Variants in ZNF608 observed in about 807,000 individuals in gnomAD.
ZNF608 encodes the protein renal carcinoma antigen NY-REN-36.
ZNF608 carries 12 observed loss-of-function variants against 109.0 expected under a neutral mutation model. The ratio of observed to expected loss-of-function variants is 0.11; its 90% CI spans 0.07 to 0.18. ZNF608 has a LOEUF of 0.18. ZNF608 is among the 10% of genes least tolerant of loss of function. The pLI, the probability that ZNF608 is intolerant of heterozygous loss-of-function variation, is 1.00. For synonymous variants in ZNF608, 732 were observed against 717.4 expected (o/e 1.02, Z -0.33); for missense variants, 1,707 against 1,879.3 (o/e 0.91, Z 1.70).
rs772561187 is a variant in ZNF608 at position 124,647,983 on chromosome 5, C to T, written c.2401G>A (p.Val801Met). 33 of 1,614,092 alleles carry T rather than the reference C, an allele frequency of 2.0e-5. No individual in the cohort carries two copies. The highest frequency in any genetic ancestry group is 1.6e-4 in the Middle Eastern group (1 of 6,084). Residue 801 changes from valine (V) to methionine (M), a missense_variant, in exon 5 of 10, where the codon GTG (valine) becomes ATG (methionine). This residue lies in a region of ZNF608 where 1,073 missense variants were observed against 1,133.5 expected (regional missense o/e 0.95). Transcript: ENST00000513986. ...TTGAGTGACACCAGAGCTGGGTTCACGGTGATGGGCTCTCCCATAATTGTG... is the reference window on the plus strand; with the variant it reads ...TTGAGTGACACCAGAGCTGGGTTCATGGTGATGGGCTCTCCCATAATTGTG... The part of the protein sequence containing the change: ...KPTIMGEPIT[V>M]NPALVSLKDK...
At chr5:124,706,135 T>TTAA (rs1376022466) in intron 2 of ZNF608, among the ~76,000 whole-genome samples, 2 of 152,172 alleles carry the variant, frequency 1.3e-5, no homozygotes, top group African/African-American at 4.8e-5. Flanking sequence ...AAGTAGCGTG[T>TTAA]TAATGGAAGA....
chr5:124,731,022 C>T (rs1748869061), intron 2 of ZNF608, among the ~76,000 whole-genome samples: 1 of 152,158 alleles, frequency 6.6e-6, no homozygotes. Flanking sequence ...TAAGAGAAGC[C>T]ATGTTTATCT....
chr5:124,697,748 C>A (rs970434552), intron 3 of ZNF608, among the ~76,000 whole-genome samples: 1 of 152,130 alleles, frequency 6.6e-6, no homozygotes, highest in Admixed American at 6.5e-5. Context: ...ACTCCAAACA[C>A]AAGAAACAAT....
In ZNF608 at chr5:124,746,414, A is replaced by T. The variant is rs1749641947; in HGVS notation, c.-403T>A. The T allele has an allele frequency of 2.0e-6, 2 of 985,366 alleles. No homozygotes were observed. Among genetic ancestry groups the T allele is most frequent in the African/African-American group, 3.5e-5 (2 of 57,246 alleles). The allele number at this position is 985,366 out of a possible 1,614,324, so 61.0% of individuals were successfully genotyped here. A position where few individuals can be genotyped will look rare whatever the true frequency, so the allele number is the denominator to read the frequency against. ...AATCAGTCCTTTTCTCCTTAAAAAA[A>T]ATGTGTCACTGTACAGCTGGAAAAT... On this transcript the variant is annotated 5_prime_UTR_variant, in exon 1 of 10. Coordinates refer to ENST00000513986, the MANE Select transcript of ZNF608 (RefSeq NM_020747.3).
chr5:124,739,937 T>TGC (rs931113827), intron 2 of ZNF608, among the ~76,000 whole-genome samples: 2 of 152,180 alleles, frequency 1.3e-5, no homozygotes, highest in African/African-American at 4.8e-5. Flanking sequence ...AACTATAAAA[T>TGC]GCTGCTTAGG....
intron 3 of ZNF608, among the ~76,000 whole-genome samples, chr5:124,675,483 G>A (rs916059329): frequency 2.6e-5 from 4 of 152,288 alleles, no homozygotes; most frequent in Admixed American, 2.0e-4. Context: ...ATGGCCAGTG[G>A]CAGTTTAGGT....
chr5:124,649,629 G>A lies in ZNF608; in HGVS notation c.1231C>T (p.His411Tyr), dbSNP rs1237284422. The change falls in exon 4 of 10, where the codon CAC becomes TAC. Residue 411 changes from histidine (H) to tyrosine (Y), a missense_variant. Physicochemically the swap from His to Tyr is moderately conservative, Grantham distance 83. Transcript: ENST00000513986. ...TCATACCTGGGAGGGGCCCAGTCGTGCTTGGTGCAGTCCAGTAGGGTTCCC... is the reference window on the plus strand; with the variant it reads ...TCATACCTGGGAGGGGCCCAGTCGTACTTGGTGCAGTCCAGTAGGGTTCCC... ...YVGTLLDCTK[H>Y]DWAPPRFCES... The A allele has an allele frequency of 6.2e-7, 1 of 1,612,046 alleles. No homozygotes were observed. The highest frequency in any genetic ancestry group is 1.3e-5 in the African/African-American group (1 of 74,844).
intron 3 of ZNF608, among the ~76,000 whole-genome samples, chr5:124,667,942 G>A (rs1751547736): frequency 6.6e-6 from 1 of 151,928 alleles, no homozygotes. Flanking sequence ...TCAACTCAAG[G>A]GCTTTGCCCC....
chr5:124,748,115 C>T (rs1749705171), upstream of ZNF608, among the ~76,000 whole-genome samples: 1 of 152,098 alleles, frequency 6.6e-6, no homozygotes. Flanking sequence ...TTATCGGGCA[C>T]TGGGATCTGA....
At position 124,646,659 on chromosome 5, in the gene ZNF608, G is replaced by A; in HGVS notation, c.3705+20C>T. 6.3e-7 allele frequency: 1 copy of A among 1,598,976 alleles called. No individual in the cohort carries two copies. Among genetic ancestry groups the A allele is most frequent in the Non-Finnish European group, 8.5e-7 (1 of 1,169,918 alleles). On this transcript the variant is annotated intron_variant, in intron 5 of 9. Transcript: ENST00000513986. ...CTCAGACTGCTCTCTCCCTGTTGGGGCCACGCTCCACAATCTTACTTGTTT... is the reference window on the plus strand; with the variant it reads ...CTCAGACTGCTCTCTCCCTGTTGGGACCACGCTCCACAATCTTACTTGTTT...
chr5:124,667,736 C>G (rs1176276133), intron 3 of ZNF608, among the ~76,000 whole-genome samples: 1 of 152,166 alleles, frequency 6.6e-6, no homozygotes, highest in African/African-American at 2.4e-5. Context: ...TCCTCCTAAC[C>G]ACCCAAACAA....
rs370244797 is a variant in ZNF608, at chr5:124,706,916, AG to A, written c.907-5648del. Among the ~76,000 whole-genome samples, 624 of 152,064 alleles carry A rather than the reference AG, an allele frequency of 4.1e-3. 4 individuals carry two copies. The highest frequency in any genetic ancestry group is 0.014 in the African/African-American group (587 of 41,486). On this transcript the variant is annotated intron_variant, in intron 2 of 9. Transcript: ENST00000513986. ...ACGCGAGAGAGCCTAAGAGCATGGG[AG>A]GGGGAGCAGGGAGGCTGAAGGGAGG...
chr5:124,693,974 C>CTTTTTTTTCTTTTTTTT lies in ZNF608; in HGVS notation c.1162+7039_1162+7040insAAAAAAAAGAAAAAAAA, dbSNP rs1752724424. Among the ~76,000 whole-genome samples the CTTTTTTTTCTTTTTTTT allele has an allele frequency of 9.8e-5, 6 of 60,934 alleles. 2 individuals carry two copies. Among genetic ancestry groups the CTTTTTTTTCTTTTTTTT allele is most frequent in the Non-Finnish European group, 1.4e-4 (5 of 36,834 alleles). The allele number at this position is 60,934 out of a possible 152,430, so 40.0% of individuals were successfully genotyped here. A position where few individuals can be genotyped will look rare whatever the true frequency, so the allele number is the denominator to read the frequency against. ...GTGAAGCTGGTAACATTTCATTAAT[C>CTTTTTTTTCTTTTTTTT]TTTTTTTTTTTTTTTTTTTGAGAGA... On this transcript the variant is annotated intron_variant, in intron 3 of 9. Coordinates refer to ENST00000513986, the MANE Select transcript of ZNF608 (RefSeq NM_020747.3).
In ZNF608 at chr5:124,641,317, G is replaced by T; in HGVS notation, c.4385C>A (p.Thr1462Lys). 16 of 1,614,012 alleles carry T rather than the reference G, an allele frequency of 9.9e-6. No individual in the cohort carries two copies. The highest frequency in any genetic ancestry group is 1.3e-5 in the Non-Finnish European group (15 of 1,180,038). Residue 1462 changes from threonine (T) to lysine (K), a missense_variant, in exon 8 of 10, where the codon ACG (threonine) becomes AAG (lysine). Around this residue, in one of 7 missense-constraint regions of ZNF608, gnomAD observed 1,073 missense variants for 1,133.5 expected, o/e 0.95. Transcript: ENST00000513986. The stretch of plus-strand genomic sequence containing the variant: ...CATGCCAACGTGGGTGTGGTGGTGC[G>T]TGTGCAGGTGCCGCTGGCCGAAGGG... Reference protein sequence around the residue: ...HSPFGQRHLHTHHHTHVGMGY... With the variant: ...HSPFGQRHLHKHHHTHVGMGY...
intron 3 of ZNF608, among the ~76,000 whole-genome samples, chr5:124,655,223 TA>T (rs992091130): frequency 6.6e-6 from 1 of 152,258 alleles, no homozygotes; most frequent in Non-Finnish European, 1.5e-5. Flanking sequence ...CAAGATGTTA[TA>T]AATGTGGTTT....
intron 2 of ZNF608, among the ~76,000 whole-genome samples, chr5:124,706,400 C>A (rs899118061): frequency 6.6e-6 from 1 of 152,184 alleles, no homozygotes; most frequent in African/African-American, 2.4e-5. Context: ...ACAAATATAT[C>A]TGAGACCTGA....
At chr5:124,681,103 A>G (rs1278424542) in intron 3 of ZNF608, among the ~76,000 whole-genome samples, 1 of 152,204 alleles carries the variant, frequency 6.6e-6, no homozygotes, top group African/African-American at 2.4e-5. Flanking sequence ...AAAATTTCCA[A>G]AACTGCAGGA....
At chr5:124,718,198 C>T (rs1753778757) in intron 2 of ZNF608, among the ~76,000 whole-genome samples, 1 of 152,230 alleles carries the variant, frequency 6.6e-6, no homozygotes, top group Admixed American at 6.5e-5. Context: ...CCTGCCATCC[C>T]AACTTGTACA....
chr5:124,640,794 T>C (rs1015897980), intron 8 of ZNF608, among the ~76,000 whole-genome samples: 1 of 152,216 alleles, frequency 6.6e-6, no homozygotes, highest in African/African-American at 2.4e-5. Flanking sequence ...AACCCTCGAA[T>C]GAGGTTATAA....
Sources: allele counts gnomAD v4.1 joint callset (sites outside exome capture counted in the v4.1 genomes callset), GRCh38; gene constraint gnomAD v4.1.1; regional missense constraint gnomAD v4.1.1; transcripts MANE v1.5; gene names NCBI Gene and HGNC (gene_info 2026-07-23, HGNC 2026-07-21).